CDH23: variants seen among roughly 807,000 people sequenced by gnomAD.
CDH23 encodes cadherin related 23.
In CDH23, 189 loss-of-function variants were observed where a neutral mutation model predicts 317.1. The observed-to-expected ratio is 0.60, with a 90% confidence interval of 0.53 to 0.67. The LOEUF (loss-of-function observed/expected upper bound fraction) is 0.67, where lower values mean the gene tolerates loss of function less well. CDH23 is among the 30% of genes least tolerant of loss of function. CDH23 has a pLI of 0.00. For synonymous variants in CDH23, 1,839 were observed against 1,876.8 expected (o/e 0.98, Z 0.52); for missense variants, 4,401 against 4,592.4 (o/e 0.96, Z 1.20).
At chr10:71,697,961 A>G (rs1037895571) in intron 22 of CDH23, among the ~76,000 whole-genome samples, 1 of 152,190 alleles carries the variant, frequency 6.6e-6, no homozygotes, top group Admixed American at 6.5e-5. Flanking sequence ...AAATGTGATG[A>G]CCTGAAAGTT....
chr10:71,793,130 C>T, intron 47 of CDH23, 52 bp from the exon 48 acceptor site: 1 of 1,387,644 alleles, frequency 7.2e-7, no homozygotes, highest in Non-Finnish European at 9.9e-7. Context: ...CTTGGTAGAT[C>T]TTTCTGGAAG....
At chr10:71,446,511 C>G (rs1195236884) in intron 3 of CDH23, 116 bp downstream of exon 3, 1 of 1,087,154 alleles carries the variant, frequency 9.2e-7, no homozygotes. Flanking sequence ...GGAATCTTTT[C>G]CATTGTGTAG....
Position 71,576,565 on chromosome 10 carries a change from G to A in CDH23, c.754-1349G>A, listed in dbSNP as rs138844339. On this transcript the variant is annotated intron_variant, in intron 8 of 69. Coordinates refer to ENST00000224721, the MANE Select transcript of CDH23 (RefSeq NM_022124.6). Reference sequence around the variant, plus strand: ...AAACAGTGAGTGGAGGGAAGTGGCCGAGGACACAAGAGCCCTTCATTAGCC... The same window carrying A: ...AAACAGTGAGTGGAGGGAAGTGGCCAAGGACACAAGAGCCCTTCATTAGCC... 4.8e-3 allele frequency among the ~76,000 whole-genome samples: 728 copies of A among 152,248 alleles called. 20 individuals are homozygous for A. The highest frequency in any genetic ancestry group is 0.042 in the Admixed American group (642 of 15,296).
chr10:71,569,986 G>A (rs571401499), intron 7 of CDH23, among the ~76,000 whole-genome samples: 6 of 152,122 alleles, frequency 3.9e-5, no homozygotes, highest in Admixed American at 2.0e-4. Context: ...CAACAGCCTC[G>A]AACTCCTGGG....
At chr10:71,571,568 G>A (rs1045870150) in intron 8 of CDH23, among the ~76,000 whole-genome samples, 1 of 152,270 alleles carries the variant, frequency 6.6e-6, no homozygotes, top group African/African-American at 2.4e-5. Context: ...CTGCAAGGCT[G>A]TGGATGGAGC....
chr10:71,689,726 G>T (rs1029156945), intron 19 of CDH23, among the ~76,000 whole-genome samples: 4 of 152,224 alleles, frequency 2.6e-5, no homozygotes, highest in Non-Finnish European at 5.9e-5. Flanking sequence ...GGTATCTTTA[G>T]ACCCGGTCCC....
chr10:71,541,546 C>A (rs1589185605), intron 6 of CDH23, among the ~76,000 whole-genome samples: 1 of 152,242 alleles, frequency 6.6e-6, no homozygotes. Flanking sequence ...TGCGTGCTAT[C>A]ATTTGATGGG....
At chr10:71,789,958 G>A (rs1411264981) in intron 45 of CDH23, among the ~76,000 whole-genome samples, 3 of 152,216 alleles carry the variant, frequency 2.0e-5, no homozygotes, top group Non-Finnish European at 4.4e-5. Flanking sequence ...ACCCACACAT[G>A]GGGAGGGGAT....
chr10:71,649,299 G>A (rs879747407), intron 14 of CDH23, among the ~76,000 whole-genome samples: 19 of 152,198 alleles, frequency 1.2e-4, no homozygotes, highest in Non-Finnish European at 2.4e-4. Flanking sequence ...TTCCTTCTCC[G>A]TGACCTTTTC....
intron 9 of CDH23, among the ~76,000 whole-genome samples, chr10:71,580,658 C>T (rs1858559627): frequency 6.6e-6 from 1 of 152,184 alleles, no homozygotes; most frequent in African/African-American, 2.4e-5. Flanking sequence ...GCCATCCTTG[C>T]TATGTTACCA....
rs910235665 is a variant in CDH23, at chr10:71,690,352, G to A, written c.2060-116G>A. ...CACCTCCCTGAGAGCTGGTCACTGG[G>A]AGGGTCCCACGTCCTCCTCTTGGGC... On this transcript the variant is annotated intron_variant, in intron 19 of 69. Transcript: ENST00000224721. 6.0e-6 allele frequency: 4 copies of A among 661,894 alleles called. No homozygotes were observed. In the East Asian group the frequency reaches 8.6e-5, roughly 14 times the overall value. 41.0% of individuals were successfully genotyped at this position (661,894 alleles called of 1,614,324 possible).
Position 71,434,967 on chromosome 10 carries a change from T to C in CDH23, c.-5-4860T>C, listed in dbSNP as rs148824495. Among the ~76,000 whole-genome samples the C allele has an allele frequency of 7.7e-3, 1,173 of 152,322 alleles. 17 individuals are homozygous for C. Among genetic ancestry groups the C allele is most frequent in the African/African-American group, 0.027 (1,102 of 41,562 alleles). ...TCCTGCTGGCCCAGCATACCTTGGC[T>C]GTGAGCATGTTGGAATTCTCACTGG... On this transcript the variant is annotated intron_variant, in intron 1 of 69. Transcript: ENST00000224721.
intron 28 of CDH23, among the ~76,000 whole-genome samples, chr10:71,718,656 A>C (rs1383717514): frequency 6.6e-6 from 1 of 152,248 alleles, no homozygotes; most frequent in Non-Finnish European, 1.5e-5. Flanking sequence ...CTGAAATGGG[A>C]GATGCCTCAA....
At chr10:71,644,869 C>A (rs1293059861) in intron 12 of CDH23, among the ~76,000 whole-genome samples, 2 of 152,222 alleles carry the variant, frequency 1.3e-5, no homozygotes, top group Non-Finnish European at 2.9e-5. Flanking sequence ...ACATCACAGG[C>A]CGCCTGCCCA....
intron 38 of CDH23, among the ~76,000 whole-genome samples, chr10:71,765,157 G>T (rs1180245124): frequency 6.6e-6 from 1 of 152,226 alleles, no homozygotes; most frequent in Non-Finnish European, 1.5e-5. Flanking sequence ...TCCCCAGCAG[G>T]CCATGTGGCA....
chr10:71,785,863 C>G (rs1330223246), intron 44 of CDH23, 125 bp downstream of exon 44: 5 of 710,384 alleles, frequency 7.0e-6, no homozygotes, highest in Non-Finnish European at 1.3e-5. Flanking sequence ...TGAGCACGTG[C>G]TGGCTTCAAA....
At chr10:71,464,437 G>T (rs1589105915) in intron 3 of CDH23, among the ~76,000 whole-genome samples, 1 of 152,198 alleles carries the variant, frequency 6.6e-6, no homozygotes, top group South Asian at 2.1e-4. Flanking sequence ...CTCCCTACCT[G>T]CAGGGATGGA....
intron 18 of CDH23, among the ~76,000 whole-genome samples, chr10:71,686,751 GA>G (rs1297413279): frequency 6.6e-6 from 1 of 152,208 alleles, no homozygotes; most frequent in Non-Finnish European, 1.5e-5. Context: ...GGACTCTTGG[GA>G]AAGGGGAGAA....
intron 11 of CDH23, among the ~76,000 whole-genome samples, chr10:71,624,124 C>G (rs1490938245): frequency 6.6e-6 from 1 of 152,186 alleles, no homozygotes; most frequent in Non-Finnish European, 1.5e-5. Flanking sequence ...CTTCCCCCTG[C>G]CCACTGACCC....
Sources: allele counts gnomAD v4.1 joint callset (sites outside exome capture counted in the v4.1 genomes callset), GRCh38; gene constraint gnomAD v4.1.1; transcripts MANE v1.5; gene names NCBI Gene and HGNC (gene_info 2026-07-23, HGNC 2026-07-21).